Variants in PTPRN2 observed in about 807,000 individuals in gnomAD.
The protein encoded by PTPRN2 is receptor-type tyrosine-protein phosphatase N2.
In PTPRN2, 74 loss-of-function variants were observed where a neutral mutation model predicts 118.8. The observed-to-expected ratio is 0.62, with a 90% CI of 0.52 to 0.76. PTPRN2 has a LOEUF of 0.76. Among genes scored for constraint, PTPRN2 ranks in the 30% least tolerant of loss-of-function variants. PTPRN2 has a pLI of 0.00. For synonymous variants in PTPRN2, 641 were observed against 608.0 expected (o/e 1.05, Z -0.80); for missense variants, 1,481 against 1,394.4 (o/e 1.06, Z -0.99).
At chr7:158,292,837 G>A (rs1800211442) in intron 3 of PTPRN2, among the ~76,000 whole-genome samples, 1 of 151,944 alleles carries the variant, frequency 6.6e-6, no homozygotes, top group African/African-American at 2.4e-5. Context: ...GGAGGTCAAG[G>A]TGGGTGGATC....
At chr7:158,207,435 C>T (rs563852836) in intron 3 of PTPRN2, among the ~76,000 whole-genome samples, 1 of 152,214 alleles carries the variant, frequency 6.6e-6, no homozygotes, top group South Asian at 2.1e-4. Context: ...CAACAAAAGA[C>T]AAAATTGACA....
intron 10 of PTPRN2, among the ~76,000 whole-genome samples, chr7:158,086,625 T>G (rs1022294661): frequency 2.2e-4 from 34 of 152,146 alleles, no homozygotes; most frequent in Admixed American, 2.2e-3. Context: ...ATGTGGAAAA[T>G]GTGGCACTCA....
chr7:157,969,687 G>A (rs115742897), intron 11 of PTPRN2, among the ~76,000 whole-genome samples: 273 of 152,114 alleles, frequency 1.8e-3, no homozygotes, highest in African/African-American at 6.3e-3. Context: ...AGTCCTGGTG[G>A]GAGCAGAAAC....
intron 11 of PTPRN2, among the ~76,000 whole-genome samples, chr7:158,055,998 C>T (rs915130062): frequency 3.3e-5 from 5 of 152,226 alleles, no homozygotes; most frequent in Admixed American, 3.3e-4. Context: ...GTTCCAGACC[C>T]CACTGCCTGT....
intron 11 of PTPRN2, among the ~76,000 whole-genome samples, chr7:158,065,624 T>A (rs1231621744): frequency 2.0e-5 from 3 of 152,146 alleles, no homozygotes; most frequent in Non-Finnish European, 4.4e-5. Context: ...CCCCCACGGG[T>A]CAGACCAAGG....
At chr7:158,548,925 G>C (rs1272517589) in intron 1 of PTPRN2, among the ~76,000 whole-genome samples, 1 of 152,196 alleles carries the variant, frequency 6.6e-6, no homozygotes, top group East Asian at 1.9e-4. Flanking sequence ...GACCTTCCGG[G>C]ACCTGCCACC....
intron 17 of PTPRN2, among the ~76,000 whole-genome samples, chr7:157,593,706 G>A (rs1178646809): frequency 6.6e-6 from 1 of 152,184 alleles, no homozygotes; most frequent in Non-Finnish European, 1.5e-5. Flanking sequence ...GTTTCAGGAA[G>A]GCAGGTGTGT....
intron 12 of PTPRN2, among the ~76,000 whole-genome samples, chr7:157,736,956 GGTAGA>G (rs1448716911): frequency 2.6e-5 from 4 of 152,070 alleles, no homozygotes; most frequent in African/African-American, 9.7e-5. Context: ...ATTTTTAAAG[GGTAGA>G]GTAAATGTGC....
intron 2 of PTPRN2, among the ~76,000 whole-genome samples, chr7:158,370,135 C>T (rs1437758136): frequency 6.6e-6 from 1 of 152,218 alleles, no homozygotes; most frequent in Non-Finnish European, 1.5e-5. Flanking sequence ...ATAAGGACAA[C>T]TGCCTTTTAA....
chr7:157,628,211 G>T (rs912475548), intron 14 of PTPRN2, among the ~76,000 whole-genome samples: 3 of 152,226 alleles, frequency 2.0e-5, no homozygotes, highest in Non-Finnish European at 4.4e-5. Context: ...TAACAAAAGT[G>T]TGATTGCCAT....
chr7:157,767,563 T>C (rs750875444), intron 12 of PTPRN2, among the ~76,000 whole-genome samples: 28 of 152,162 alleles, frequency 1.8e-4, no homozygotes, highest in African/African-American at 2.7e-4. Context: ...AAACACTGCA[T>C]TGGGGAAGTG....
At chr7:158,069,450 G>A (rs564050146) in intron 11 of PTPRN2, among the ~76,000 whole-genome samples, 64 of 152,152 alleles carry the variant, frequency 4.2e-4, no homozygotes, top group African/African-American at 1.4e-3. Flanking sequence ...CTCCTGCCTT[G>A]GCCTCCCAAA....
chr7:158,106,666 C>A (rs770453587), intron 10 of PTPRN2, among the ~76,000 whole-genome samples: 28 of 152,192 alleles, frequency 1.8e-4, no homozygotes, highest in Admixed American at 3.3e-4. Flanking sequence ...GGGGATATAA[C>A]CCTGTCACAC....
At position 158,112,005 on chromosome 7, in the gene PTPRN2, A is replaced by C. The variant is rs112205304; in HGVS notation, c.1557-1090T>G. On this transcript the variant is annotated intron_variant, in intron 9 of 22. Coordinates refer to ENST00000389418, the MANE Select transcript of PTPRN2 (RefSeq NM_002847.5). ...TGTCGCAAAGACATGGGGAGAAACC[A>C]CCCACAAGCTGAAGTCATCTCAGGC... Among the ~76,000 whole-genome samples, 521 of 152,188 alleles carry C rather than the reference A, an allele frequency of 3.4e-3. 5 individuals are homozygous for C. Among genetic ancestry groups the C allele is most frequent in the African/African-American group, 0.012 (500 of 41,518 alleles).
In PTPRN2 at chr7:157,794,568, G is replaced by A. The variant is rs888002016; in HGVS notation, c.1788+104105C>T. Among the ~76,000 whole-genome samples, 11 of 152,196 alleles carry A rather than the reference G, an allele frequency of 7.2e-5. 1 individual carries two copies. The highest frequency in any genetic ancestry group is 2.0e-4 in the Admixed American group (3 of 15,272). Reference sequence around the variant, plus strand: ...ACTATCACCCTCACTGTCACTCTCCGCTTTGTTTAAATGTGGGGATTTCAT... The same window carrying A: ...ACTATCACCCTCACTGTCACTCTCCACTTTGTTTAAATGTGGGGATTTCAT... On this transcript the variant is annotated intron_variant, in intron 12 of 22. Transcript: ENST00000389418. This position sits in a 1 kb window ranked among gnomAD's most constrained non-coding sequence, Gnocchi z 5.2.
rs149843394 is a variant in PTPRN2, at chr7:157,819,132, T to C, written c.1788+79541A>G. Reference sequence around the variant, plus strand: ...ACACCTGCTGGGCCTGGGTCCACAGTGGCCCACCTGCACCCGCTCAGGGTG... The same window carrying C: ...ACACCTGCTGGGCCTGGGTCCACAGCGGCCCACCTGCACCCGCTCAGGGTG... On this transcript the variant is annotated intron_variant, in intron 12 of 22. Coordinates refer to ENST00000389418, the MANE Select transcript of PTPRN2 (RefSeq NM_002847.5). Among the ~76,000 whole-genome samples, 616 of 152,250 alleles carry C rather than the reference T, an allele frequency of 4.0e-3. 6 individuals are homozygous for C. Among genetic ancestry groups the C allele is most frequent in the African/African-American group, 0.014 (576 of 41,560 alleles).
At position 158,342,297 on chromosome 7, in the gene PTPRN2, C is replaced by T. The variant is rs71544570; in HGVS notation, c.164-25365G>A. ...ACACTCTCACCATAGAGCTGACACCCGCAGACGTCACTCACACCCACACTC... is the reference window on the plus strand; with the variant it reads ...ACACTCTCACCATAGAGCTGACACCTGCAGACGTCACTCACACCCACACTC... On this transcript the variant is annotated intron_variant, in intron 2 of 22. Transcript: ENST00000389418. Among the ~76,000 whole-genome samples, 811 of 93,844 alleles carry T rather than the reference C, an allele frequency of 8.6e-3. 22 individuals carry two copies. Among genetic ancestry groups the T allele is most frequent in the African/African-American group, 0.029 (687 of 23,596 alleles). 61.6% of individuals were successfully genotyped at this position (93,844 alleles called of 152,430 possible).
Position 157,953,735 on chromosome 7 carries a change from G to A in PTPRN2, c.1724-54998C>T, listed in dbSNP as rs1486183612. Among the ~76,000 whole-genome samples the A allele has an allele frequency of 6.6e-6, 1 of 152,170 alleles. No homozygotes were observed. Among genetic ancestry groups the A allele is most frequent in the Non-Finnish European group, 1.5e-5 (1 of 68,036 alleles). On this transcript the variant is annotated intron_variant, in intron 11 of 22. Transcript: ENST00000389418. The surrounding 1 kb of genome is among the most constrained non-coding windows in gnomAD (Gnocchi z 4.6). ...CCAAGTCTGAGGACTCAGACCCGGGGCAGCTGGTGGAAGCTGGGGTTAAGA... is the reference window on the plus strand; with the variant it reads ...CCAAGTCTGAGGACTCAGACCCGGGACAGCTGGTGGAAGCTGGGGTTAAGA...
chr7:158,081,052 C>A (rs892861324), intron 11 of PTPRN2, among the ~76,000 whole-genome samples: 1 of 152,184 alleles, frequency 6.6e-6, no homozygotes, highest in African/African-American at 2.4e-5. Context: ...CACATCAGGG[C>A]AGCCCAGTCC....
Sources: allele counts gnomAD v4.1 joint callset (sites outside exome capture counted in the v4.1 genomes callset), GRCh38; gene constraint gnomAD v4.1.1; non-coding constraint Gnocchi (gnomAD v3.1); transcripts MANE v1.5; gene names NCBI Gene and HGNC (gene_info 2026-07-23, HGNC 2026-07-21).